The following UGT2B10 variants were observed in gnomAD, a reference collection of about 807,000 sequenced individuals.
UGT2B10 encodes UDP-glucuronosyltransferase 2B10.
A neutral mutation model predicts 43.7 loss-of-function variants in UGT2B10; 51 were observed. The ratio of observed to expected loss-of-function variants is 1.17; its 90% CI spans 0.93 to 1.47. UGT2B10 has a LOEUF of 1.47. Ranked by LOEUF, UGT2B10 falls within the 40% of genes most tolerant of loss-of-function variation. UGT2B10 has a pLI of 0.00. For missense variants in UGT2B10, 696 were observed against 617.7 expected (o/e 1.13, Z -1.34); for synonymous variants, 225 against 209.0 (o/e 1.08, Z -0.66).
At chr4:68,822,622 G>A (rs1737566069) in intron 3 of UGT2B10, among the ~76,000 whole-genome samples, 1 of 152,108 alleles carries the variant, frequency 6.6e-6, no homozygotes, top group Admixed American at 6.6e-5. Context: ...GTATGCATGA[G>A]TGATTCCTAT....
At chr4:68,821,255 A>G (rs1376422806) in intron 2 of UGT2B10, among the ~76,000 whole-genome samples, 3 of 152,172 alleles carry the variant, frequency 2.0e-5, no homozygotes, top group African/African-American at 7.2e-5. Flanking sequence ...ATTGGCATAC[A>G]TTGGGGAACT....
intron 4 of UGT2B10, among the ~76,000 whole-genome samples, 175 bp from the exon 5 acceptor site, chr4:68,827,154 T>C (rs1487959699): frequency 6.6e-6 from 1 of 152,080 alleles, no homozygotes; most frequent in Admixed American, 6.6e-5. Flanking sequence ...CACACCACCA[T>C]ATAGCCTTCA....
chr4:68,822,189 T>C, intron 2 of UGT2B10, 82 bp from the exon 3 acceptor site: 2 of 1,555,260 alleles, frequency 1.3e-6, no homozygotes, highest in South Asian at 2.4e-5. Flanking sequence ...TTTCTCTCTT[T>C]AATATTTTGT....
chr4:68,822,340 A>G lies in UGT2B10; in HGVS notation c.937A>G (p.Ser313Gly). ...GGTGTTTTCTCTGGGGTCAATGGTCAGTAACATGACAGAAGAAAGGGCCAA... is the reference window on the plus strand; with the variant it reads ...GGTGTTTTCTCTGGGGTCAATGGTCGGTAACATGACAGAAGAAAGGGCCAA... Reference protein sequence around the residue: ...VVVFSLGSMVSNMTEERANVI... With the variant: ...VVVFSLGSMVGNMTEERANVI... The change falls in exon 3 of 6, where the codon AGT becomes GGT. Residue 313 changes from serine (S) to glycine (G), a missense_variant. Physicochemically the swap from Ser to Gly is moderately conservative, Grantham distance 56 (BLOSUM62 0). Transcript: ENST00000265403. The G allele has an allele frequency of 6.2e-7, 1 of 1,613,802 alleles. No homozygotes were observed. The highest frequency in any genetic ancestry group is 8.5e-7 in the Non-Finnish European group (1 of 1,179,852).
rs113377881 is a variant in UGT2B10, at chr4:68,830,744, G to C, written c.1452G>C (p.Trp484Cys). The change falls in exon 6 of 6, where the codon TGG becomes TGC. Residue 484 changes from tryptophan to cysteine, a missense_variant. Physicochemically the swap from Trp to Cys is radical, Grantham distance 215. Coordinates refer to ENST00000265403, the MANE Select transcript of UGT2B10 (RefSeq NM_001075.6). ...HLRVAAHNLT[W>C]FQYHSLDVIG... The stretch of plus-strand genomic sequence containing the variant: ...GAGTTGCAGCCCACAACCTCACCTG[G>C]TTCCAGTACCACTCTTTGGATGTGA... 2 of 1,613,412 alleles carry C rather than the reference G, an allele frequency of 1.2e-6. No individual in the cohort carries two copies. Among genetic ancestry groups the C allele is most frequent in the African/African-American group, 1.3e-5 (1 of 74,988 alleles).
At chr4:68,828,952 T>A (rs1030464595) in intron 5 of UGT2B10, among the ~76,000 whole-genome samples, 8 of 152,044 alleles carry the variant, frequency 5.3e-5, no homozygotes, top group Admixed American at 2.0e-4. Flanking sequence ...ACACTTCAAA[T>A]ATTTAAAGTC....
At chr4:68,822,226 T>C in intron 2 of UGT2B10, 45 bp from the exon 3 acceptor site, 1 of 1,602,176 alleles carries the variant, frequency 6.2e-7, no homozygotes, top group South Asian at 1.1e-5. Flanking sequence ...GTGCCTGCTG[T>C]GGTGATACTC....
intron 5 of UGT2B10, 43 bp downstream of exon 5, chr4:68,827,591 G>A (rs1737860747): frequency 6.2e-7 from 1 of 1,608,396 alleles, no homozygotes; most frequent in Admixed American, 1.7e-5. Flanking sequence ...TTAATAGATA[G>A]CTTTTCTTGT....
intron 3 of UGT2B10, among the ~76,000 whole-genome samples, chr4:68,825,854 T>C (rs1186714184): frequency 3.9e-5 from 6 of 152,106 alleles, no homozygotes; most frequent in Non-Finnish European, 4.4e-5. Flanking sequence ...GTTATATACC[T>C]AGTAATGGGA....
chr4:68,825,800 A>G (rs542906668), intron 3 of UGT2B10, among the ~76,000 whole-genome samples: 3 of 152,272 alleles, frequency 2.0e-5, no homozygotes, highest in East Asian at 1.9e-4. Flanking sequence ...CAACTAACAT[A>G]TAGTTTCATG....
At chr4:68,825,113 T>C (rs1849533) in intron 3 of UGT2B10, among the ~76,000 whole-genome samples, 4 of 151,946 alleles carry the variant, frequency 2.6e-5, no homozygotes, top group African/African-American at 9.7e-5. Context: ...ATATAATAAC[T>C]TACAGACAAG....
intron 2 of UGT2B10, among the ~76,000 whole-genome samples, chr4:68,821,120 T>TA (rs1737471961): frequency 6.6e-6 from 1 of 152,180 alleles, no homozygotes. Flanking sequence ...AATCACATTT[T>TA]AAAAAACGTT....
intron 3 of UGT2B10, among the ~76,000 whole-genome samples, chr4:68,825,852 C>A (rs1737746212): frequency 2.6e-5 from 4 of 151,960 alleles, no homozygotes; most frequent in Admixed American, 2.6e-4. Context: ...TGGTTATATA[C>A]CTAGTAATGG....
intron 3 of UGT2B10, among the ~76,000 whole-genome samples, chr4:68,823,802 T>C (rs1207294583): frequency 1.3e-5 from 2 of 152,100 alleles, no homozygotes; most frequent in Admixed American, 6.6e-5. Flanking sequence ...TATACATGGA[T>C]GATGCTATAA....
chr4:68,823,163 A>G (rs567846954), intron 3 of UGT2B10, among the ~76,000 whole-genome samples: 53 of 152,280 alleles, frequency 3.5e-4, no homozygotes, highest in East Asian at 2.1e-3. Flanking sequence ...TAACTGGCAT[A>G]TGTGGAGAGT....
chr4:68,823,201 C>T lies in UGT2B10; in HGVS notation c.999+799C>T, dbSNP rs1249188089. ...GGGAGTAAAAAGAATGAATTCCAGT[C>T]CTGTGATTAAAAGTGTAAACTATAG... On this transcript the variant is annotated intron_variant, in intron 3 of 5. Coordinates refer to ENST00000265403, the MANE Select transcript of UGT2B10 (RefSeq NM_001075.6). 2.0e-5 allele frequency among the ~76,000 whole-genome samples: 3 copies of T among 151,956 alleles called. No individual in the cohort carries two copies. The East Asian group carries it at 5.8e-4, about 29-fold the overall frequency.
rs1376808814 is a variant in UGT2B10 at position 68,816,124 on chromosome 4, G to A, written c.105G>A (p.Trp35Ter). 4 of 1,613,144 alleles carry A rather than the reference G, an allele frequency of 2.5e-6. No homozygotes were observed. The Admixed American group carries it at 5.0e-5, about 20-fold the overall frequency. ...TATGGGCCGCAGAATACAGCCTTTG[G>A]ATGAATATGAAGACAATCCTGAAAG... is the stretch of plus-strand genomic sequence containing the variant. ...VLVWAAEYSL[W>*]MNMKTILKEL... is the part of the protein sequence containing the mutation. The change falls in exon 1 of 6, where the codon TGG (tryptophan) becomes TGA (stop). Residue 35 changes from tryptophan (W) to a stop codon, truncating the protein, a stop_gained. Coordinates refer to ENST00000265403, the MANE Select transcript of UGT2B10 (RefSeq NM_001075.6). LOFTEE classifies it high-confidence loss of function.
chr4:68,828,563 T>G (rs1214519494), intron 5 of UGT2B10, among the ~76,000 whole-genome samples: 1 of 151,932 alleles, frequency 6.6e-6, no homozygotes, highest in Non-Finnish European at 1.5e-5. Context: ...AGTGGTAGAT[T>G]TAAATGTGAT....
Position 68,822,237 on chromosome 4 carries a change from T to C in UGT2B10, c.868-34T>C, listed in dbSNP as rs782453278. The C allele has an allele frequency of 1.4e-5, 22 of 1,607,974 alleles. No homozygotes were observed. The African/African-American group carries it at 2.8e-4, about 21-fold the overall frequency. ...GGTAGTGCCTGCTGTGGTGATACTCTTTTATGATGAAACATTTTTTCTTTT... is the reference window on the plus strand; with the variant it reads ...GGTAGTGCCTGCTGTGGTGATACTCCTTTATGATGAAACATTTTTTCTTTT... On this transcript the variant is annotated intron_variant, in intron 2 of 5. Coordinates refer to ENST00000265403, the MANE Select transcript of UGT2B10 (RefSeq NM_001075.6).
Sources: gnomAD v4.1 joint callset for allele counts (sites outside exome capture counted in the v4.1 genomes callset) on GRCh38, gnomAD v4.1.1 for gene constraint, MANE v1.5 for transcripts, NCBI Gene and HGNC (gene_info 2026-07-23, HGNC 2026-07-21) for gene names.